The following EBF2 variants were observed in gnomAD, a reference collection of about 807,000 sequenced individuals.
The protein encoded by EBF2 is EBF transcription factor 2.
Under a neutral mutation model 72.8 loss-of-function variants are expected in EBF2, and 21 were observed. The ratio of observed to expected loss-of-function variants is 0.29; its 90% CI spans 0.20 to 0.42. The LOEUF is 0.42. EBF2 is among the 10% of genes least tolerant of loss of function. EBF2 has a pLI of 1.00. For synonymous variants in EBF2, 299 were observed against 274.2 expected (o/e 1.09, Z -0.89); for missense variants, 637 against 731.2 (o/e 0.87, Z 1.49).
intron 7 of EBF2, among the ~76,000 whole-genome samples, chr8:25,903,056 A>G (rs1478655775): frequency 4.6e-5 from 7 of 152,084 alleles, no homozygotes; most frequent in Admixed American, 3.9e-4. Context: ...TAGTAGGTGT[A>G]TGTATTTAAT....
chr8:25,949,769 C>T (rs988085076), intron 6 of EBF2, among the ~76,000 whole-genome samples: 3 of 152,056 alleles, frequency 2.0e-5, no homozygotes, highest in Admixed American at 2.0e-4. Context: ...GAGACAGGTG[C>T]CCTGAAAAGA....
chr8:25,984,597 G>A (rs560723071), intron 6 of EBF2, among the ~76,000 whole-genome samples: 1 of 152,166 alleles, frequency 6.6e-6, no homozygotes, highest in Admixed American at 6.5e-5. Flanking sequence ...CAGGAGAATT[G>A]CTTGAAACCG....
chr8:26,011,598 G>A (rs990817810), intron 6 of EBF2, among the ~76,000 whole-genome samples: 2 of 152,028 alleles, frequency 1.3e-5, no homozygotes, highest in East Asian at 1.9e-4. Context: ...GCTAAAATGC[G>A]GATCTGCTTC....
intron 6 of EBF2, among the ~76,000 whole-genome samples, chr8:25,944,665 A>G (rs1803735174): frequency 6.8e-6 from 1 of 148,062 alleles, no homozygotes; most frequent in Non-Finnish European, 1.5e-5. Flanking sequence ...ACATATAATT[A>G]CATATTGTAT....
chr8:25,989,753 TC>T lies in EBF2; in HGVS notation c.551+43331del, dbSNP rs1383115789. On this transcript the variant is annotated intron_variant, in intron 6 of 15. Coordinates refer to ENST00000520164, the MANE Select transcript of EBF2 (RefSeq NM_022659.4). ...GAAGATGGGCACATGAGTCTCCCGT[TC>T]CGTAAGCTAAGTGGATTTGGCTTTC... 3.3e-5 allele frequency among the ~76,000 whole-genome samples: 5 copies of T among 152,192 alleles called. No individual in the cohort carries two copies. The East Asian group carries it at 9.6e-4, about 29-fold the overall frequency.
At chr8:25,951,294 G>C (rs935561285) in intron 6 of EBF2, among the ~76,000 whole-genome samples, 5 of 152,100 alleles carry the variant, frequency 3.3e-5, no homozygotes, top group Non-Finnish European at 7.3e-5. Flanking sequence ...TGGCTAGACG[G>C]GAGCCTGAGG....
At chr8:25,975,942 C>G (rs1459826550) in intron 6 of EBF2, among the ~76,000 whole-genome samples, 1 of 152,134 alleles carries the variant, frequency 6.6e-6, no homozygotes, top group Non-Finnish European at 1.5e-5. Flanking sequence ...AAAGGATGAA[C>G]AGCTGTGGTC....
chr8:25,849,876 C>A (rs1028398988), intron 15 of EBF2, among the ~76,000 whole-genome samples: 1 of 152,138 alleles, frequency 6.6e-6, no homozygotes, highest in Admixed American at 6.5e-5. Context: ...TTGGTTGCTC[C>A]TGCTGGCTCC....
chr8:25,845,958 T>C (rs1197280758), intron 15 of EBF2, among the ~76,000 whole-genome samples: 1 of 152,180 alleles, frequency 6.6e-6, no homozygotes, highest in Non-Finnish European at 1.5e-5. Flanking sequence ...CTCTCTCCTC[T>C]CTTACTCTCT....
At chr8:26,025,482 C>G (rs1193334220) in intron 6 of EBF2, among the ~76,000 whole-genome samples, 1 of 152,018 alleles carries the variant, frequency 6.6e-6, no homozygotes, top group Non-Finnish European at 1.5e-5. Flanking sequence ...TGATTTGCAT[C>G]AAATCCTAAA....
At chr8:25,941,210 C>CT (rs5890269) in intron 6 of EBF2, among the ~76,000 whole-genome samples, 127,057 of 142,312 alleles carry the variant, frequency 0.89, 56,781 homozygotes, top group Middle Eastern at 0.95. Flanking sequence ...GCTCCCCCAT[C>CT]TTTTTTTTTT....
At chr8:25,844,761 C>T in intron 15 of EBF2, 121 bp from the exon 16 acceptor site, 1 of 1,278,618 alleles carries the variant, frequency 7.8e-7, no homozygotes, top group Non-Finnish European at 1.1e-6. Flanking sequence ...GGAGATGGTG[C>T]CCTCAGCTGA....
rs1232154576 is a variant in EBF2 at position 26,023,464 on chromosome 8, CA to C, written c.551+9620del. The stretch of plus-strand genomic sequence containing the variant: ...CATCATCTGTTCTAATAACCACGTC[CA>C]TCCAGTTGGTCCTCTGATTTTCACT... On this transcript the variant is annotated intron_variant, in intron 6 of 15. Transcript: ENST00000520164. Among the ~76,000 whole-genome samples the C allele has an allele frequency of 2.0e-5, 3 of 152,194 alleles. No individual in the cohort carries two copies. The East Asian group carries it at 5.8e-4, about 29-fold the overall frequency.
At chr8:25,850,463 G>A in intron 15 of EBF2, 131 bp downstream of exon 15, 1 of 1,149,728 alleles carries the variant, frequency 8.7e-7, no homozygotes, top group Non-Finnish European at 1.2e-6. Flanking sequence ...AGCCATTCAT[G>A]TCCCATGATA....
At chr8:26,005,950 G>A (rs1051032200) in intron 6 of EBF2, among the ~76,000 whole-genome samples, 4 of 151,936 alleles carry the variant, frequency 2.6e-5, no homozygotes, top group Non-Finnish European at 5.9e-5. Flanking sequence ...AAATGGTCAG[G>A]GCCTCCATGC....
intron 6 of EBF2, chr8:26,032,792 C>T (rs774978719): frequency 1.3e-5 from 4 of 298,208 alleles, no homozygotes; most frequent in African/African-American, 2.1e-5. Context: ...CCATACCCTG[C>T]CCGAAAGGAG....
chr8:26,025,107 A>G (rs1457608713), intron 6 of EBF2, among the ~76,000 whole-genome samples: 1 of 152,164 alleles, frequency 6.6e-6, no homozygotes. Flanking sequence ...TTATATTGGC[A>G]GAGTGCTTGT....
intron 6 of EBF2, among the ~76,000 whole-genome samples, chr8:25,996,380 T>C (rs185907725): frequency 2.0e-5 from 3 of 151,332 alleles, no homozygotes; most frequent in Admixed American, 2.0e-4. Flanking sequence ...AAGGCAAAAA[T>C]TGTTCAAATC....
At chr8:25,900,936 T>A (rs1423928360) in intron 7 of EBF2, among the ~76,000 whole-genome samples, 1 of 152,144 alleles carries the variant, frequency 6.6e-6, no homozygotes, top group Non-Finnish European at 1.5e-5. Context: ...TTAACAACCA[T>A]GTATTGTACA....
Sources: allele counts gnomAD v4.1 joint callset (sites outside exome capture counted in the v4.1 genomes callset), GRCh38; gene constraint gnomAD v4.1.1; transcripts MANE v1.5; gene names NCBI Gene and HGNC (gene_info 2026-07-23, HGNC 2026-07-21).